FAM217A: variants seen among roughly 807,000 people sequenced by gnomAD.
FAM217A encodes family with sequence similarity 217 member A, also known as protein FAM217A.
A neutral mutation model predicts 18.5 loss-of-function variants in FAM217A; 13 were observed. The ratio of observed to expected loss-of-function variants is 0.70; its 90% CI spans 0.46 to 1.12. FAM217A has a LOEUF of 1.12. Among genes scored for constraint, FAM217A ranks in the 50% most tolerant of loss-of-function variants. The probability of loss-of-function intolerance (pLI) is 0.00; values close to 1 mark genes in which losing one functional copy is unlikely to be tolerated. For synonymous variants in FAM217A, 161 were observed against 202.8 expected (o/e 0.79, Z 1.75); for missense variants, 560 against 575.4 (o/e 0.97, Z 0.27).
At chr6:4,073,228 A>T (rs746146585) in intron 6 of FAM217A, 47 bp downstream of exon 6, 5 of 1,388,022 alleles carry the variant, frequency 3.6e-6, no homozygotes. Context: ...TGTGTATCTA[A>T]ATTTATTTCA....
At chr6:4,084,233 A>G (rs1561932740) in intron 2 of FAM217A, among the ~76,000 whole-genome samples, 1 of 152,200 alleles carries the variant, frequency 6.6e-6, no homozygotes, top group Admixed American at 6.5e-5. Flanking sequence ...GCAATGTCCT[A>G]TTTGGGAGGC....
upstream of FAM217A, chr6:4,079,614 G>A (rs1034909971): frequency 5.5e-6 from 7 of 1,284,288 alleles, no homozygotes; most frequent in Non-Finnish European, 6.1e-6. Context: ...GGGACCCGGG[G>A]CCCGGCCCAC....
intron 6 of FAM217A, among the ~76,000 whole-genome samples, chr6:4,072,435 C>T (rs1453054008): frequency 1.2e-4 from 3 of 25,966 alleles, no homozygotes; most frequent in African/African-American, 3.4e-4. Flanking sequence ...GCAAGTTCTG[C>T]ACATGTATTC....
chr6:4,076,206 G>C (rs532331150), intron 2 of FAM217A, among the ~76,000 whole-genome samples: 24 of 152,052 alleles, frequency 1.6e-4, no homozygotes, highest in African/African-American at 5.5e-4. Context: ...GTGGGTGCCT[G>C]TAATCCCAGC....
intron 2 of FAM217A, chr6:4,084,544 A>C (rs939343020): frequency 1.9e-5 from 13 of 699,348 alleles, no homozygotes; most frequent in Non-Finnish European, 2.9e-5. Flanking sequence ...AATTCACTTT[A>C]AATTTTGGTT....
At chr6:4,075,570 A>G (rs1288477843) in intron 2 of FAM217A, among the ~76,000 whole-genome samples, 3 of 152,216 alleles carry the variant, frequency 2.0e-5, no homozygotes, top group Non-Finnish European at 4.4e-5. Context: ...GCAGAGTGCT[A>G]TGGGGGAAAA....
chr6:4,069,984 TAC>T (rs1340194049), intron 6 of FAM217A, 64 bp from the exon 7 acceptor site: 37 of 1,132,582 alleles, frequency 3.3e-5, no homozygotes, highest in East Asian at 2.6e-5. Context: ...ATTAAAATGA[TAC>T]AGTTAAGTAC....
chr6:4,086,624 C>T (rs1268693222), intron 1 of FAM217A, among the ~76,000 whole-genome samples: 1 of 152,156 alleles, frequency 6.6e-6, no homozygotes, highest in Non-Finnish European at 1.5e-5. Flanking sequence ...CCAGATTTGC[C>T]ATAGCATACT....
intron 1 of FAM217A, among the ~76,000 whole-genome samples, chr6:4,086,055 C>T (rs1770635555): frequency 6.6e-6 from 1 of 151,354 alleles, no homozygotes; most frequent in Non-Finnish European, 1.5e-5. Flanking sequence ...GTCGAGGCTA[C>T]AGTGAGCTGC....
intron 4 of FAM217A, among the ~76,000 whole-genome samples, chr6:4,074,051 C>T (rs1581881874): frequency 6.6e-6 from 1 of 152,034 alleles, no homozygotes; most frequent in Non-Finnish European, 1.5e-5. Flanking sequence ...GGGGTTTCAC[C>T]ATATTGCACA....
chr6:4,080,953 C>A (rs1456010968), upstream of FAM217A, among the ~76,000 whole-genome samples: 4 of 151,634 alleles, frequency 2.6e-5, no homozygotes. Flanking sequence ...GCTGTCTCCT[C>A]CAAGATCCTT....
chr6:4,084,829 A>C (rs1350010198), intron 1 of FAM217A: 9 of 702,116 alleles, frequency 1.3e-5, no homozygotes, highest in Non-Finnish European at 2.1e-5. Context: ...CAGAAAAAGG[A>C]ATTGCATTTA....
upstream of FAM217A, chr6:4,079,454 C>G (rs664839): frequency 0.21 from 77,935 of 376,642 alleles, 9,488 homozygotes; most frequent in African/African-American, 0.4. Context: ...CGGGCCTTCT[C>G]GGACTTTCCC....
At chr6:4,080,281 T>A (rs1027242453), upstream of FAM217A, among the ~76,000 whole-genome samples, 4 of 152,222 alleles carry the variant, frequency 2.6e-5, no homozygotes, top group Admixed American at 2.6e-4. Flanking sequence ...ACCTTCCACC[T>A]ACCTTACTCT....
intron 6 of FAM217A, among the ~76,000 whole-genome samples, chr6:4,071,322 T>C (rs1011037613): frequency 1.3e-4 from 20 of 152,206 alleles, no homozygotes; most frequent in Non-Finnish European, 1.9e-4. Flanking sequence ...TGATGGTATA[T>C]TGAGGAGAAA....
Position 4,068,549 on chromosome 6 carries a change from A to G in FAM217A, c.*147T>C. 1 of 810,612 alleles carries G rather than the reference A, an allele frequency of 1.2e-6. No homozygotes were observed. Among genetic ancestry groups the G allele is most frequent in the African/African-American group, 1.7e-5 (1 of 57,900 alleles). The allele number at this position is 810,612 out of a possible 1,614,324, so 50.2% of individuals were successfully genotyped here. On this transcript the variant is annotated 3_prime_UTR_variant, in exon 7 of 7. Transcript: ENST00000274673. ...TATAGACATCTCAGCAGTGCTTTTC[A>G]CAAGTTCTACTCCATATCACATCAA... is the stretch of plus-strand genomic sequence containing the variant.
upstream of FAM217A, among the ~76,000 whole-genome samples, chr6:4,083,186 C>G (rs1770414495): frequency 2.0e-5 from 3 of 152,216 alleles, no homozygotes; most frequent in African/African-American, 7.2e-5. Context: ...GCTAAGGAAA[C>G]AAAGGCAAGC....
chr6:4,075,361 A>T lies in FAM217A; in HGVS notation c.61-700T>A, dbSNP rs181367145. 3.4e-3 allele frequency among the ~76,000 whole-genome samples: 513 copies of T among 152,250 alleles called. 3 individuals carry two copies. Among genetic ancestry groups the T allele is most frequent in the African/African-American group, 0.011 (468 of 41,548 alleles). Reference sequence around the variant, plus strand: ...AATACATACATAAATAAATAAAATTAAAAAAATAAAAGCCTGTAAAAATCT... The same window carrying T: ...AATACATACATAAATAAATAAAATTTAAAAAATAAAAGCCTGTAAAAATCT... On this transcript the variant is annotated intron_variant, in intron 2 of 6. Coordinates refer to ENST00000274673, the MANE Select transcript of FAM217A (RefSeq NM_173563.3).
chr6:4,069,546 A>G lies in FAM217A; in HGVS notation c.677T>C (p.Leu226Ser). ...LSYFKKVDLN[L>S]KPETIKNVEE... is the part of the protein sequence containing the mutation. ...AACATTTTTTATTGTTTCTGGCTTC[A>G]AGTTCAGGTCCACCTTTTTAAAATA... The change falls in exon 7 of 7, where the codon TTG becomes TCG. Residue 226 changes from leucine (L) to serine (S), a missense_variant. Coordinates refer to ENST00000274673, the MANE Select transcript of FAM217A (RefSeq NM_173563.3). The G allele has an allele frequency of 6.2e-7, 1 of 1,614,168 alleles. No individual in the cohort carries two copies.
Sources: allele counts gnomAD v4.1 joint callset (sites outside exome capture counted in the v4.1 genomes callset), GRCh38; gene constraint gnomAD v4.1.1; transcripts MANE v1.5; gene names NCBI Gene and HGNC (gene_info 2026-07-23, HGNC 2026-07-21).